The following CLCN4 variants were observed in gnomAD, a reference collection of about 807,000 sequenced individuals.
CLCN4 encodes H(+)/Cl(-) exchange transporter 4.
Under a neutral mutation model 41.7 loss-of-function variants are expected in CLCN4, and 1 was observed. The observed-to-expected ratio is 0.02, with a 90% CI of 0.01 to 0.11. The LOEUF (loss-of-function observed/expected upper bound fraction) is 0.11. CLCN4 is among the 10% of genes least tolerant of loss of function. The pLI is 1.00. For missense variants in CLCN4, 287 were observed against 661.0 expected (o/e 0.43, Z 6.20); for synonymous variants, 277 against 285.8 (o/e 0.97, Z 0.31).
chrX:10,204,992 C>T (rs770503208), intron 6 of CLCN4, among the ~76,000 whole-genome samples: 49 of 110,907 alleles, frequency 4.4e-4, no homozygotes, highest in African/African-American at 1.5e-3. Context: ...GAAAGTGTGA[C>T]GAGGCAGAGG....
At chrX:10,227,013 T>C (rs1208999110) in intron 12 of CLCN4, among the ~76,000 whole-genome samples, 1 of 110,388 alleles carries the variant, frequency 9.1e-6, no homozygotes, top group Non-Finnish European at 1.9e-5. Context: ...TTCCAAACAA[T>C]TGAAAAGGAG....
chrX:10,158,584 C>T (rs1923014664), intron 2 of CLCN4, 33 bp downstream of exon 2: 4 of 283,509 alleles, frequency 1.4e-5, no homozygotes, highest in Admixed American at 6.2e-5. Context: ...ATGCCCTCCC[C>T]GGCGCCCCCG....
Position 10,208,309 on chromosome X carries a change from G to A in CLCN4, c.1108G>A (p.Val370Met). Residue 370 changes from valine (V) to methionine (M), a missense_variant, in exon 9 of 13, where the codon GTG becomes ATG. Physicochemically the swap from Val to Met is conservative, Grantham distance 21 (BLOSUM62 1). Coordinates refer to ENST00000380833, the MANE Select transcript of CLCN4 (RefSeq NM_001830.4). Reference sequence around the variant, plus strand: ...GACCACCAGGCTGGGGAAGTACCCGGTGCTGGAGGTCATTGTGGTGACTGC... The same window carrying A: ...GACCACCAGGCTGGGGAAGTACCCGATGCTGGAGGTCATTGTGGTGACTGC... ...RKTTRLGKYP[V>M]LEVIVVTAIT... The A allele has an allele frequency of 8.3e-7, 1 of 1,211,174 alleles. No homozygotes were observed.
intron 6 of CLCN4, among the ~76,000 whole-genome samples, chrX:10,205,138 G>A (rs1442962397): frequency 1.8e-5 from 2 of 110,941 alleles, no homozygotes; most frequent in African/African-American, 3.3e-5. Flanking sequence ...TTCTAGTATC[G>A]GAAGGGCATC....
At chrX:10,216,942 TCTC>T (rs1240211956) in intron 11 of CLCN4, among the ~76,000 whole-genome samples, 2 of 72,239 alleles carry the variant, frequency 2.8e-5, no homozygotes, top group Non-Finnish European at 5.4e-5. Flanking sequence ...TAGAGGGACT[TCTC>T]CATGCTTTAG....
chrX:10,208,176 G>C lies in CLCN4; in HGVS notation c.975G>C (p.Thr325=). 8.3e-7 allele frequency: 1 copy of C among 1,211,193 alleles called. No homozygotes were observed. The highest frequency in any genetic ancestry group is 1.1e-6 in the Non-Finnish European group (1 of 895,357). Residue 325 remains threonine, a synonymous_variant, in exon 9 of 13, where the codon ACG becomes ACC. Transcript: ENST00000380833. ...RLVLFYVEYH[T]PWYMAELFPF... The stretch of plus-strand genomic sequence containing the variant: ...TTCTCTTTTATGTGGAATACCACAC[G>C]CCCTGGTACATGGCTGAACTCTTCC...
chrX:10,195,029 C>G lies in CLCN4; in HGVS notation c.363C>G (p.Thr121=), dbSNP rs190803102. The G allele has an allele frequency of 3.9e-5, 47 of 1,209,698 alleles. No individual in the cohort carries two copies. In the Admixed American group the frequency reaches 8.5e-4, roughly 22 times the overall value. Reference sequence around the variant, plus strand: ...AGTGTTGCTGGACTTCTAACGAGACCACTTTTGAGGACAGAGACAAGTGTC... The same window carrying G: ...AGTGTTGCTGGACTTCTAACGAGACGACTTTTGAGGACAGAGACAAGTGTC... The part of the protein sequence containing the change: ...HEQCCWTSNE[T]TFEDRDKCPL... Residue 121 remains threonine, a synonymous_variant, in exon 5 of 13, where the codon ACC becomes ACG. Transcript: ENST00000380833.
rs1487357165 is a variant in CLCN4 at position 10,214,137 on chromosome X, C to T, written c.1975+58C>T. On this transcript the variant is annotated intron_variant, in intron 11 of 12. Transcript: ENST00000380833. ...AAGAGCCGAATGGCATCCTTTGTACCCCTAACATTATCCAAGATTTTTGAG... is the reference window on the plus strand; with the variant it reads ...AAGAGCCGAATGGCATCCTTTGTACTCCTAACATTATCCAAGATTTTTGAG... 2.8e-6 allele frequency: 3 copies of T among 1,068,898 alleles called. No homozygotes were observed. In the African/African-American group the frequency reaches 5.6e-5, roughly 20 times the overall value. The allele number at this position is 1,068,898 out of a possible 1,213,427, so 88.1% of individuals were successfully genotyped here. A position where few individuals can be genotyped will look rare whatever the true frequency, so the allele number is the denominator to read the frequency against.
chrX:10,215,429 C>T (rs1639058896), intron 11 of CLCN4, among the ~76,000 whole-genome samples: 1 of 112,192 alleles, frequency 8.9e-6, no homozygotes, highest in Non-Finnish European at 1.9e-5. Context: ...GTATTTTAGA[C>T]ACCGTAGCAA....
At chrX:10,178,851 C>CA (rs936131692) in intron 2 of CLCN4, among the ~76,000 whole-genome samples, 1 of 111,756 alleles carries the variant, frequency 8.9e-6, no homozygotes, top group Non-Finnish European at 1.9e-5. Context: ...AAAAACAAAA[C>CA]AAAAAACAAA....
intron 1 of CLCN4, 150 bp downstream of exon 1, chrX:10,157,250 C>A: frequency 3.7e-6 from 1 of 271,120 alleles, no homozygotes; most frequent in Non-Finnish European, 6.5e-6. Context: ...TAGAGATTAA[C>A]CTTCTGAACA....
rs185570906 is a variant in CLCN4, at chrX:10,226,360, C to T, written c.2192+5483C>T. On this transcript the variant is annotated intron_variant, in intron 12 of 12. Coordinates refer to ENST00000380833, the MANE Select transcript of CLCN4 (RefSeq NM_001830.4). ...TTTGAAACCAATGAGAACAAAGAGA[C>T]AACATACCAGAATCTCTTGGACACA... Among the ~76,000 whole-genome samples, 397 of 111,663 alleles carry T rather than the reference C, an allele frequency of 3.6e-3. 1 individual carries two copies. Among genetic ancestry groups the T allele is most frequent in the Non-Finnish European group, 6.0e-3 (320 of 53,097 alleles).
rs900821812 is a variant in CLCN4, at chrX:10,220,761, G to T, written c.2076G>T (p.Lys692Asn). 1 of 1,209,884 alleles carries T rather than the reference G, an allele frequency of 8.3e-7. No homozygotes were observed. The highest frequency in any genetic ancestry group is 1.7e-5 in the African/African-American group (1 of 57,199). ...CGGCCAACAGCCCACATCCCCTGAA[G>T]CTGCGGCGCATCCTGAACCTCAGCC... is the stretch of plus-strand genomic sequence containing the variant. ...ELPANSPHPL[K>N]LRRILNLSPF... Residue 692 changes from lysine (K) to asparagine (N), a missense_variant, in exon 12 of 13, where the codon AAG becomes AAT. Physicochemically the swap from Lys to Asn is moderately conservative, Grantham distance 94. Coordinates refer to ENST00000380833, the MANE Select transcript of CLCN4 (RefSeq NM_001830.4).
intron 8 of CLCN4, among the ~76,000 whole-genome samples, chrX:10,207,749 C>G (rs775043702): frequency 8.9e-6 from 1 of 112,095 alleles, no homozygotes; most frequent in South Asian, 3.8e-4. Context: ...GAATCCAATC[C>G]AGAGGTTTAT....
At chrX:10,176,807 T>C (rs1048387414) in intron 2 of CLCN4, among the ~76,000 whole-genome samples, 1 of 112,451 alleles carries the variant, frequency 8.9e-6, no homozygotes, top group Non-Finnish European at 1.9e-5. Flanking sequence ...GGCATAAACA[T>C]TGGCAGGTAC....
intron 9 of CLCN4, among the ~76,000 whole-genome samples, chrX:10,211,280 A>AG (rs770951334): frequency 0.043 from 4,562 of 105,838 alleles, 140 homozygotes; most frequent in Middle Eastern, 0.069. Flanking sequence ...AAAAAAAAAA[A>AG]AAAAAAAAGA....
Position 10,185,787 on chromosome X carries a change from T to C in CLCN4, c.144+611T>C, listed in dbSNP as rs1923793513. ...GGAGCTCCGAGGATCTGGTGGAGGA[T>C]TCCTGCAGAGGGAGGGATAGGGATG... is the stretch of plus-strand genomic sequence containing the variant. On this transcript the variant is annotated intron_variant, in intron 3 of 12. Coordinates refer to ENST00000380833, the MANE Select transcript of CLCN4 (RefSeq NM_001830.4). Among the ~76,000 whole-genome samples, 4 of 111,341 alleles carry C rather than the reference T, an allele frequency of 3.6e-5. No homozygotes were observed. The Admixed American group carries it at 3.8e-4, about 11-fold the overall frequency.
At chrX:10,206,037 G>A (rs917300525) in intron 6 of CLCN4, among the ~76,000 whole-genome samples, 26 of 110,988 alleles carry the variant, frequency 2.3e-4, no homozygotes, top group African/African-American at 8.5e-4. Context: ...ACATCAATAG[G>A]TACATGTCTC....
intron 2 of CLCN4, among the ~76,000 whole-genome samples, chrX:10,163,849 G>A (rs969446154): frequency 1.8e-5 from 2 of 112,085 alleles, no homozygotes; most frequent in African/African-American, 6.5e-5. Flanking sequence ...GTATTGAGCC[G>A]CATCCCTGGC....
Sources: gnomAD v4.1 joint callset for allele counts (sites outside exome capture counted in the v4.1 genomes callset) on GRCh38, gnomAD v4.1.1 for gene constraint, MANE v1.5 for transcripts, NCBI Gene and HGNC (gene_info 2026-07-23, HGNC 2026-07-21) for gene names.